The following ZHX2 variants were observed in gnomAD, a reference collection of about 807,000 sequenced individuals.
The protein encoded by ZHX2 is zinc fingers and homeoboxes protein 2.
A neutral mutation model predicts 21.9 loss-of-function variants in ZHX2; 6 were observed. The observed-to-expected ratio is 0.27, with a 90% CI of 0.15 to 0.54. ZHX2 has a LOEUF of 0.54. Among genes scored for constraint, ZHX2 ranks in the 20% least tolerant of loss-of-function variants. ZHX2 has a pLI of 0.95. For missense variants in ZHX2, 908 were observed against 1,090.7 expected, an observed-to-expected ratio of 0.83 and a Z score of 2.36; for synonymous variants, 434 against 437.1, an observed-to-expected ratio of 0.99 and a Z score of 0.09.
intron 2 of ZHX2, among the ~76,000 whole-genome samples, chr8:122,907,922 T>C (rs917696693): frequency 1.3e-5 from 2 of 152,190 alleles, no homozygotes; most frequent in Non-Finnish European, 2.9e-5. Context: ...CTGATTCCAA[T>C]GCCTATTGCT....
intron 2 of ZHX2, among the ~76,000 whole-genome samples, chr8:122,950,929 A>G (rs1000325824): frequency 6.6e-6 from 1 of 152,008 alleles, no homozygotes; most frequent in Non-Finnish European, 1.5e-5. Flanking sequence ...CTGGGGACAC[A>G]TCTCGCTTCC....
intron 1 of ZHX2, chr8:122,809,371 G>T (rs2130600015): frequency 6.6e-6 from 1 of 152,382 alleles, no homozygotes; most frequent in South Asian, 2.1e-4. Context: ...GTGGTGGTAG[G>T]CGCCTGTAAT....
rs114604986 is a variant in ZHX2, at chr8:122,954,180, A to T, written c.*4+152A>T. Among the ~76,000 whole-genome samples the T allele has an allele frequency of 2.6e-3, 401 of 152,354 alleles. 3 individuals carry two copies. The highest frequency in any genetic ancestry group is 9.3e-3 in the African/African-American group (385 of 41,590). On this transcript the variant is annotated intron_variant, in intron 3 of 3. Coordinates refer to ENST00000314393, the MANE Select transcript of ZHX2 (RefSeq NM_014943.5). Reference sequence around the variant, plus strand: ...TAACAAATAAGAATGATGTATATTGATCACATACAATATGATGTTTTGAAA... The same window carrying T: ...TAACAAATAAGAATGATGTATATTGTTCACATACAATATGATGTTTTGAAA...
In ZHX2 at chr8:122,970,298, C is replaced by T. The variant is rs149839119; in HGVS notation, c.*5-2944C>T. Reference sequence around the variant, plus strand: ...GTGGACTTTGTCACCACCCTTGGGTCACAGCCACTCCTCTGACAGCACTAT... The same window carrying T: ...GTGGACTTTGTCACCACCCTTGGGTTACAGCCACTCCTCTGACAGCACTAT... On this transcript the variant is annotated intron_variant, in intron 3 of 3. Coordinates refer to ENST00000314393, the MANE Select transcript of ZHX2 (RefSeq NM_014943.5). 2.5e-3 allele frequency among the ~76,000 whole-genome samples: 383 copies of T among 152,352 alleles called. 4 individuals carry two copies. Among genetic ancestry groups the T allele is most frequent in the African/African-American group, 8.9e-3 (369 of 41,584 alleles).
At chr8:122,867,558 C>CCAGG (rs1215648924) in intron 2 of ZHX2, among the ~76,000 whole-genome samples, 1 of 152,098 alleles carries the variant, frequency 6.6e-6, no homozygotes, top group African/African-American at 2.4e-5. Context: ...TTTCAAATTG[C>CCAGG]CAGGGAATTT....
intron 2 of ZHX2, among the ~76,000 whole-genome samples, chr8:122,947,120 G>A (rs1226266523): frequency 8.1e-6 from 1 of 122,990 alleles, no homozygotes; most frequent in African/African-American, 2.7e-5. Flanking sequence ...AAAAAAATTA[G>A]TCAGGCATGG....
At chr8:122,935,595 G>T (rs1281194097) in intron 2 of ZHX2, among the ~76,000 whole-genome samples, 13 of 151,118 alleles carry the variant, frequency 8.6e-5, no homozygotes, top group Non-Finnish European at 1.3e-4. Context: ...GAGTGCAGTG[G>T]TGCAATCTCG....
chr8:122,919,715 A>G (rs1820691735), intron 2 of ZHX2, among the ~76,000 whole-genome samples: 1 of 152,204 alleles, frequency 6.6e-6, no homozygotes, highest in African/African-American at 2.4e-5. Flanking sequence ...GCAGATGAAG[A>G]TACAGGGCCC....
chr8:122,790,807 C>T (rs1817501191), intron 1 of ZHX2, among the ~76,000 whole-genome samples: 1 of 152,126 alleles, frequency 6.6e-6, no homozygotes, highest in Non-Finnish European at 1.5e-5. Context: ...GGGGTTTCAC[C>T]ATGTTGGCCA....
chr8:122,933,534 T>C (rs980436806), intron 2 of ZHX2, among the ~76,000 whole-genome samples: 1 of 152,182 alleles, frequency 6.6e-6, no homozygotes, highest in South Asian at 2.1e-4. Flanking sequence ...TGGTGGCAGC[T>C]GTTACGATTC....
chr8:122,942,568 C>G (rs1356673079), intron 2 of ZHX2, among the ~76,000 whole-genome samples: 1 of 152,184 alleles, frequency 6.6e-6, no homozygotes, highest in Non-Finnish European at 1.5e-5. Context: ...GGGATCCCGG[C>G]TCTGCAGCTC....
intron 3 of ZHX2, among the ~76,000 whole-genome samples, chr8:122,956,890 TACC>T (rs1164271084): frequency 2.0e-5 from 3 of 152,052 alleles, no homozygotes; most frequent in East Asian, 1.9e-4. Context: ...CCCAAGCTAA[TACC>T]ACCACCACCA....
chr8:122,869,325 GTT>G (rs11429003), intron 2 of ZHX2, among the ~76,000 whole-genome samples: 2 of 145,022 alleles, frequency 1.4e-5, no homozygotes, highest in African/African-American at 2.5e-5. Context: ...ATCCTTTTTT[GTT>G]TTTTTTTTTT....
intron 2 of ZHX2, among the ~76,000 whole-genome samples, chr8:122,931,251 C>T (rs534636971): frequency 1.9e-4 from 29 of 152,252 alleles, no homozygotes; most frequent in African/African-American, 6.5e-4. Context: ...CCAGGAGCCA[C>T]GAGTATTATG....
At chr8:122,800,408 C>T (rs1029987560) in intron 1 of ZHX2, among the ~76,000 whole-genome samples, 5 of 152,164 alleles carry the variant, frequency 3.3e-5, no homozygotes, top group Non-Finnish European at 7.3e-5. Flanking sequence ...GAAGCTGGTG[C>T]GGTGCCTGCA....
At chr8:122,919,256 T>G (rs1428190529) in intron 2 of ZHX2, among the ~76,000 whole-genome samples, 2 of 152,216 alleles carry the variant, frequency 1.3e-5, no homozygotes. Context: ...GCAGCTTAAG[T>G]TTTTTCTTAT....
intron 1 of ZHX2, among the ~76,000 whole-genome samples, chr8:122,862,951 C>T (rs1403994323): frequency 6.6e-6 from 1 of 152,204 alleles, no homozygotes; most frequent in Admixed American, 6.5e-5. Context: ...GCGGCTACAG[C>T]TCTCCCGAGG....
chr8:122,788,096 GAC>G (rs796899424), intron 1 of ZHX2, among the ~76,000 whole-genome samples: 43 of 152,262 alleles, frequency 2.8e-4, no homozygotes, highest in Middle Eastern at 3.4e-3. Flanking sequence ...CACATACCCA[GAC>G]ACAGCACAAG....
intron 2 of ZHX2, among the ~76,000 whole-genome samples, chr8:122,908,668 A>T (rs1009755046): frequency 6.6e-6 from 1 of 152,068 alleles, no homozygotes; most frequent in African/African-American, 2.4e-5. Flanking sequence ...TATCTTTCTC[A>T]TGCCCACTCA....
Sources: allele counts gnomAD v4.1 joint callset (sites outside exome capture counted in the v4.1 genomes callset), GRCh38; gene constraint gnomAD v4.1.1; transcripts MANE v1.5; gene names NCBI Gene and HGNC (gene_info 2026-07-23, HGNC 2026-07-21).